EFCAB3: variants seen among roughly 807,000 people sequenced by gnomAD.
EFCAB3 encodes the protein EF-hand calcium-binding domain-containing protein 3.
A neutral mutation model predicts 42.2 loss-of-function variants in EFCAB3; 36 were observed. The ratio of observed to expected loss-of-function variants is 0.85; its 90% CI spans 0.65 to 1.13. The LOEUF is 1.13. EFCAB3 is among the 50% of genes most tolerant of loss of function. The pLI, the probability that EFCAB3 is intolerant of heterozygous loss-of-function variation, is 0.00. For missense variants in EFCAB3, 418 were observed against 505.1 expected (o/e 0.83, Z 1.65); for synonymous variants, 170 against 172.8 (o/e 0.98, Z 0.13).
chr17:62,414,350 T>C (rs1324668007), intron 9 of EFCAB3, among the ~76,000 whole-genome samples: 1 of 152,162 alleles, frequency 6.6e-6, no homozygotes, highest in Admixed American at 6.5e-5. Flanking sequence ...TCTCAATCTA[T>C]CCTCCTTGGT....
chr17:62,397,771 T>TC (rs1395497572), intron 6 of EFCAB3: 9 of 387,206 alleles, frequency 2.3e-5, no homozygotes, highest in Non-Finnish European at 4.4e-5. Context: ...ATTGTTGTAA[T>TC]CCCAGCACTT....
chr17:62,385,725 T>A (rs2070242923), intron 2 of EFCAB3, among the ~76,000 whole-genome samples: 1 of 140,604 alleles, frequency 7.1e-6, no homozygotes, highest in Middle Eastern at 3.2e-3. Flanking sequence ...ACTTTTTTTT[T>A]TTTTTTTTTT....
At chr17:62,385,162 G>A (rs1018022819) in intron 2 of EFCAB3, among the ~76,000 whole-genome samples, 3 of 152,186 alleles carry the variant, frequency 2.0e-5, no homozygotes, top group African/African-American at 4.8e-5. Flanking sequence ...AGAAATTACA[G>A]GTTGGGCACA....
Position 62,399,009 on chromosome 17 carries a change from C to T in EFCAB3, c.488+3821C>T, listed in dbSNP as rs2070378220. ...TAATAACTGGTCTTCCTGCTTGCACCTTTGACTGCTGCTCCCCTGCTCTGC... is the reference window on the plus strand; with the variant it reads ...TAATAACTGGTCTTCCTGCTTGCACTTTTGACTGCTGCTCCCCTGCTCTGC... On this transcript the variant is annotated intron_variant, in intron 6 of 9. Coordinates refer to ENST00000305286, the MANE Select transcript of EFCAB3 (RefSeq NM_173503.4). Among the ~76,000 whole-genome samples the T allele has an allele frequency of 2.0e-5, 3 of 151,988 alleles. 1 individual carries two copies. In the South Asian group the frequency reaches 6.2e-4, roughly 32 times the overall value.
Position 62,406,639 on chromosome 17 carries a change from A to C in EFCAB3, c.648A>C (p.Glu216Asp). Reference sequence around the variant, plus strand: ...CTGCCCGGATTGCAATAATGAAAGAAAAGGATTTATTTAAATTTCTTGAAG... The same window carrying C: ...CTGCCCGGATTGCAATAATGAAAGACAAGGATTTATTTAAATTTCTTGAAG... The part of the protein sequence containing the change: ...ANAARIAIMK[E>D]KDLFKFLEEL... The change falls in exon 7 of 10, where the codon GAA becomes GAC. Residue 216 changes from glutamate (E) to aspartate (D), a missense_variant. By Grantham distance (45) the Glu-to-Asp change is conservative (BLOSUM62 2). Coordinates refer to ENST00000305286, the MANE Select transcript of EFCAB3 (RefSeq NM_173503.4). The C allele has an allele frequency of 6.2e-7, 1 of 1,614,094 alleles. No individual in the cohort carries two copies.
At chr17:62,400,180 C>G (rs190375237) in intron 6 of EFCAB3, among the ~76,000 whole-genome samples, 3 of 151,958 alleles carry the variant, frequency 2.0e-5, no homozygotes, top group Admixed American at 6.6e-5. Context: ...CACCTCAAAC[C>G]AAAGGTAAAA....
intron 2 of EFCAB3, 117 bp from the exon 3 acceptor site, chr17:62,387,223 A>T: frequency 1.5e-6 from 1 of 680,472 alleles, no homozygotes; most frequent in Non-Finnish European, 2.4e-6. Context: ...TTAGGATAGT[A>T]GACTGGATAC....
At chr17:62,413,956 G>A in intron 9 of EFCAB3, 102 bp downstream of exon 9, 2 of 1,298,562 alleles carry the variant, frequency 1.5e-6, no homozygotes, top group Non-Finnish European at 2.1e-6. Flanking sequence ...TCTGCTCTAT[G>A]TCTTTAAAAT....
intron 6 of EFCAB3, chr17:62,397,915 C>T: frequency 4.1e-6 from 1 of 244,090 alleles, no homozygotes; most frequent in Admixed American, 5.2e-5. Flanking sequence ...ATCCCAGCTA[C>T]TCAGGAGGCT....
intron 6 of EFCAB3, among the ~76,000 whole-genome samples, chr17:62,399,591 C>T (rs1377076486): frequency 6.6e-6 from 1 of 152,178 alleles, no homozygotes; most frequent in Non-Finnish European, 1.5e-5. Flanking sequence ...TCCTCATATA[C>T]ATCAAACACG....
intron 6 of EFCAB3, among the ~76,000 whole-genome samples, chr17:62,399,354 G>A (rs1386862941): frequency 6.6e-6 from 1 of 151,940 alleles, no homozygotes; most frequent in East Asian, 1.9e-4. Flanking sequence ...TTTTTGTGGA[G>A]ATAGGTATTC....
chr17:62,404,829 GCAAATA>G (rs1406355367), intron 6 of EFCAB3, among the ~76,000 whole-genome samples: 7 of 151,854 alleles, frequency 4.6e-5, no homozygotes, highest in Non-Finnish European at 5.9e-5. Flanking sequence ...AATAAAGACA[GCAAATA>G]CAAACACAAG....
At chr17:62,402,998 T>G (rs533212935) in intron 6 of EFCAB3, among the ~76,000 whole-genome samples, 1 of 152,362 alleles carries the variant, frequency 6.6e-6, no homozygotes, top group African/African-American at 2.4e-5. Context: ...GGATTCAACT[T>G]CTTCCTAGTT....
intron 9 of EFCAB3, among the ~76,000 whole-genome samples, chr17:62,414,362 C>G (rs1000905983): frequency 2.6e-5 from 4 of 152,198 alleles, no homozygotes; most frequent in Admixed American, 6.5e-5. Flanking sequence ...CTCCTTGGTT[C>G]AGCTGCCACC....
At chr17:62,403,366 T>C (rs370511754) in intron 6 of EFCAB3, among the ~76,000 whole-genome samples, 2 of 152,226 alleles carry the variant, frequency 1.3e-5, no homozygotes, top group Admixed American at 6.5e-5. Flanking sequence ...CACTATCTTC[T>C]TGGACTTAAC....
intron 1 of EFCAB3, among the ~76,000 whole-genome samples, chr17:62,373,619 A>C (rs2070129587): frequency 6.6e-6 from 1 of 152,216 alleles, no homozygotes; most frequent in Non-Finnish European, 1.5e-5. Context: ...GACAGAGCCA[A>C]AACAAAAGTT....
chr17:62,402,897 C>T (rs547715683), intron 6 of EFCAB3, among the ~76,000 whole-genome samples: 7 of 152,206 alleles, frequency 4.6e-5, no homozygotes, highest in African/African-American at 1.7e-4. Context: ...TGGTAGAATT[C>T]GGCTGTGAAT....
chr17:62,377,042 TAGAGAGAG>T (rs111680352), upstream of EFCAB3, among the ~76,000 whole-genome samples: 2 of 149,186 alleles, frequency 1.3e-5, no homozygotes, highest in African/African-American at 4.9e-5. Flanking sequence ...AGCCAAGCAA[TAGAGAGAG>T]AGAGAGAGAG....
intron 6 of EFCAB3, among the ~76,000 whole-genome samples, chr17:62,396,030 G>A (rs1264028318): frequency 6.6e-6 from 1 of 152,110 alleles, no homozygotes; most frequent in Non-Finnish European, 1.5e-5. Flanking sequence ...AAGACACTTA[G>A]TAAAGCCTGC....
Sources: gnomAD v4.1 joint callset for allele counts (sites outside exome capture counted in the v4.1 genomes callset) on GRCh38, gnomAD v4.1.1 for gene constraint, MANE v1.5 for transcripts, NCBI Gene and HGNC (gene_info 2026-07-23, HGNC 2026-07-21) for gene names.